PLEKHH2: variants seen among roughly 807,000 people sequenced by gnomAD.
PLEKHH2 encodes the protein pleckstrin homology, MyTH4 and FERM domain containing H2.
In PLEKHH2, 129 loss-of-function variants were observed where a neutral mutation model predicts 187.9. The ratio of observed to expected loss-of-function variants is 0.69; its 90% CI spans 0.59 to 0.79. The LOEUF is 0.79. PLEKHH2 is among the 30% of genes least tolerant of loss of function. The pLI is 0.00. For missense variants in PLEKHH2, 2,076 were observed against 1,751.2 expected (o/e 1.19, Z -3.31); for synonymous variants, 686 against 605.6 (o/e 1.13, Z -1.95).
chr2:43,715,446 A>G (rs144444692), intron 15 of PLEKHH2, among the ~76,000 whole-genome samples: 489 of 152,270 alleles, frequency 3.2e-3, no homozygotes, highest in Non-Finnish European at 4.8e-3. Context: ...AGGGTTTGTA[A>G]CAGGAGCATG....
chr2:43,642,998 T>C (rs1488312594), intron 1 of PLEKHH2, among the ~76,000 whole-genome samples: 2 of 152,140 alleles, frequency 1.3e-5, no homozygotes, highest in African/African-American at 4.8e-5. Context: ...TCAGGCCTAC[T>C]TTTTATTTTC....
chr2:43,666,185 T>G (rs1327842344), intron 2 of PLEKHH2, among the ~76,000 whole-genome samples: 2 of 149,566 alleles, frequency 1.3e-5, no homozygotes, highest in Non-Finnish European at 3.0e-5. Context: ...GGTGCGCCGT[T>G]TTTTAAGCCG....
At chr2:43,642,670 G>T (rs751267574) in intron 1 of PLEKHH2, among the ~76,000 whole-genome samples, 2 of 152,106 alleles carry the variant, frequency 1.3e-5, no homozygotes, top group African/African-American at 4.8e-5. Context: ...TATCATGAAG[G>T]GGTGTTGGAT....
intron 2 of PLEKHH2, among the ~76,000 whole-genome samples, chr2:43,646,080 T>A (rs923352025): frequency 1.3e-5 from 2 of 152,156 alleles, no homozygotes; most frequent in Non-Finnish European, 2.9e-5. Flanking sequence ...AAAGTTATCC[T>A]TACTCACTTT....
intron 24 of PLEKHH2, among the ~76,000 whole-genome samples, chr2:43,751,313 T>C (rs1672000399): frequency 6.6e-6 from 1 of 152,130 alleles, no homozygotes; most frequent in Non-Finnish European, 1.5e-5. Flanking sequence ...AAGAGAACAA[T>C]TGCAGTTTTA....
At chr2:43,674,390 G>A (rs773266883) in intron 2 of PLEKHH2, among the ~76,000 whole-genome samples, 4 of 152,154 alleles carry the variant, frequency 2.6e-5, no homozygotes, top group Non-Finnish European at 5.9e-5. Context: ...TCAGCATATT[G>A]CCAGTAGTGG....
Position 43,743,931 on chromosome 2 carries a change from T to C in PLEKHH2, c.3497T>C (p.Leu1166Ser). 3 of 1,614,144 alleles carry C rather than the reference T, an allele frequency of 1.9e-6. No individual in the cohort carries two copies. Among genetic ancestry groups the C allele is most frequent in the South Asian group, 2.2e-5 (2 of 91,084 alleles). The change falls in exon 23 of 30, where the codon TTG (leucine) becomes TCG (serine). Residue 1166 changes from leucine to serine, a missense_variant. Physicochemically the swap from Leu to Ser is moderately radical, Grantham distance 145. Coordinates refer to ENST00000282406, the MANE Select transcript of PLEKHH2 (RefSeq NM_172069.4). Reference sequence around the variant, plus strand: ...AAACCAGCGCAGTCTGGATTTGCGTTGTTCACTGACGATCCTTCTGGCAGA... The same window carrying C: ...AAACCAGCGCAGTCTGGATTTGCGTCGTTCACTGACGATCCTTCTGGCAGA... ...MRKPAQSGFALFTDDPSGRDL... is the reference protein window; with the variant it reads ...MRKPAQSGFASFTDDPSGRDL...
chr2:43,714,297 C>T (rs973763600), intron 15 of PLEKHH2, among the ~76,000 whole-genome samples: 1 of 152,186 alleles, frequency 6.6e-6, no homozygotes, highest in Non-Finnish European at 1.5e-5. Flanking sequence ...CTTCCCATTT[C>T]ACAATTGCAT....
intron 15 of PLEKHH2, among the ~76,000 whole-genome samples, chr2:43,713,890 A>G (rs1022289484): frequency 6.6e-6 from 1 of 152,208 alleles, no homozygotes; most frequent in South Asian, 2.1e-4. Context: ...GTGTTATTCC[A>G]TAATATTTAA....
At chr2:43,688,257 G>C (rs1462380663) in intron 3 of PLEKHH2, among the ~76,000 whole-genome samples, 1 of 152,142 alleles carries the variant, frequency 6.6e-6, no homozygotes, top group Non-Finnish European at 1.5e-5. Flanking sequence ...GAATCTATAA[G>C]GAAGTTGTTA....
At chr2:43,638,768 T>C (rs914085261) in intron 1 of PLEKHH2, among the ~76,000 whole-genome samples, 1 of 152,032 alleles carries the variant, frequency 6.6e-6, no homozygotes, top group African/African-American at 2.4e-5. Context: ...TTAGAATTTT[T>C]AACTACCCAA....
intron 19 of PLEKHH2, among the ~76,000 whole-genome samples, chr2:43,737,170 C>G (rs570961594): frequency 6.1e-4 from 93 of 152,268 alleles, no homozygotes; most frequent in Non-Finnish European, 1.0e-3. Flanking sequence ...AGAACCGAAC[C>G]ATTTCCAAGT....
chr2:43,726,576 G>C, intron 17 of PLEKHH2, 125 bp downstream of exon 17: 1 of 807,960 alleles, frequency 1.2e-6, no homozygotes, highest in Non-Finnish European at 1.9e-6. Context: ...TTTCACCTCT[G>C]TTTTCAGAGA....
intron 2 of PLEKHH2, among the ~76,000 whole-genome samples, chr2:43,670,398 C>T (rs1349241656): frequency 1.3e-5 from 2 of 152,082 alleles, no homozygotes; most frequent in African/African-American, 2.4e-5. Flanking sequence ...GAGGTTCAGT[C>T]AACTAGAGTA....
At chr2:43,640,180 A>T (rs886819287) in intron 1 of PLEKHH2, among the ~76,000 whole-genome samples, 1 of 150,886 alleles carries the variant, frequency 6.6e-6, no homozygotes, top group Non-Finnish European at 1.5e-5. Flanking sequence ...ATATAAAGTT[A>T]CTCCAATAAC....
At chr2:43,752,954 T>C (rs1330183626) in intron 24 of PLEKHH2, among the ~76,000 whole-genome samples, 1 of 152,166 alleles carries the variant, frequency 6.6e-6, no homozygotes, top group African/African-American at 2.4e-5. Flanking sequence ...AATCTATAAA[T>C]ATTATCTTTC....
At chr2:43,650,376 G>T (rs1207883975) in intron 2 of PLEKHH2, among the ~76,000 whole-genome samples, 8 of 151,748 alleles carry the variant, frequency 5.3e-5, no homozygotes, top group African/African-American at 1.9e-4. Context: ...TAACTGATCT[G>T]CCCACCTTGG....
At chr2:43,706,754 C>G (rs558990099) in intron 10 of PLEKHH2, among the ~76,000 whole-genome samples, 1 of 152,168 alleles carries the variant, frequency 6.6e-6, no homozygotes, top group Non-Finnish European at 1.5e-5. Flanking sequence ...GCCAGGGTAC[C>G]CCTTCCTTGC....
At chr2:43,690,563 C>G (rs1048757995) in intron 3 of PLEKHH2, among the ~76,000 whole-genome samples, 8 of 152,062 alleles carry the variant, frequency 5.3e-5, no homozygotes, top group Admixed American at 5.2e-4. Flanking sequence ...AGTAAGGATT[C>G]CTTTTGACTT....
Sources: allele counts gnomAD v4.1 joint callset (sites outside exome capture counted in the v4.1 genomes callset), GRCh38; gene constraint gnomAD v4.1.1; transcripts MANE v1.5; gene names NCBI Gene and HGNC (gene_info 2026-07-23, HGNC 2026-07-21).